RBFOX1: variants seen among roughly 807,000 people sequenced by gnomAD.
The protein encoded by RBFOX1 is RNA binding protein fox-1 homolog 1.
Under a neutral mutation model 57.7 loss-of-function variants are expected in RBFOX1, and 8 were observed. The ratio of observed to expected loss-of-function variants is 0.14; its 90% confidence interval spans 0.08 to 0.25. The LOEUF (loss-of-function observed/expected upper bound fraction) is 0.25. RBFOX1 is among the 10% of genes least tolerant of loss of function. The probability of loss-of-function intolerance (pLI) is 1.00; values close to 1 mark genes in which losing one functional copy is unlikely to be tolerated. For missense variants in RBFOX1, 611 were observed against 548.5 expected, an observed-to-expected ratio of 1.11 and a Z score of -1.14; for synonymous variants, 326 against 222.4, an observed-to-expected ratio of 1.47 and a Z score of -4.15.
chr16:7,187,384 A>G (rs1487022294), intron 4 of RBFOX1, among the ~76,000 whole-genome samples: 5 of 152,040 alleles, frequency 3.3e-5, no homozygotes, highest in Non-Finnish European at 7.4e-5. Context: ...TATATACATA[A>G]TATGATACTA....
chr16:6,477,041 G>C (rs1294631681), intron 2 of RBFOX1, among the ~76,000 whole-genome samples: 1 of 152,030 alleles, frequency 6.6e-6, no homozygotes, highest in African/African-American at 2.4e-5. Context: ...GCCTCTTCAG[G>C]CTCCACTTGT....
chr16:6,417,710 A>G (rs1271778880), intron 2 of RBFOX1, among the ~76,000 whole-genome samples: 1 of 121,566 alleles, frequency 8.2e-6, no homozygotes, highest in African/African-American at 3.2e-5. Context: ...TTCTTTTTAA[A>G]AAAAAAAAAA....
At chr16:7,261,412 C>G (rs2094914351) in intron 4 of RBFOX1, among the ~76,000 whole-genome samples, 1 of 152,120 alleles carries the variant, frequency 6.6e-6, no homozygotes, top group Admixed American at 6.5e-5. Context: ...AACCTGGGGC[C>G]CAGCCTCTAT....
chr16:7,363,354 C>A (rs4787006), intron 4 of RBFOX1, among the ~76,000 whole-genome samples: 1 of 151,928 alleles, frequency 6.6e-6, no homozygotes, highest in African/African-American at 2.4e-5. Flanking sequence ...TTAATGACTT[C>A]TTCTGTCCAA....
intron 2 of RBFOX1, among the ~76,000 whole-genome samples, chr16:6,356,854 A>G (rs2087416687): frequency 6.6e-6 from 1 of 152,122 alleles, no homozygotes; most frequent in African/African-American, 2.4e-5. Flanking sequence ...GTGAGTGTGG[A>G]TATGTGGGAA....
chr16:6,162,640 A>G (rs1450474590), intron 1 of RBFOX1, among the ~76,000 whole-genome samples: 1 of 152,200 alleles, frequency 6.6e-6, no homozygotes, highest in Non-Finnish European at 1.5e-5. Flanking sequence ...CAAGGGAGAC[A>G]TTTAACCCCC....
chr16:7,674,738 C>G (rs1370581802), intron 13 of RBFOX1, among the ~76,000 whole-genome samples: 1 of 152,184 alleles, frequency 6.6e-6, no homozygotes, highest in Non-Finnish European at 1.5e-5. Context: ...GGTGTACACA[C>G]CTGCATTTGA....
chr16:6,571,061 C>T (rs1474437466), intron 2 of RBFOX1, among the ~76,000 whole-genome samples: 1 of 152,136 alleles, frequency 6.6e-6, no homozygotes, highest in Non-Finnish European at 1.5e-5. Flanking sequence ...TGTGGATTGG[C>T]CTTTCTACTA....
intron 4 of RBFOX1, among the ~76,000 whole-genome samples, chr16:7,297,045 T>C (rs553361639): frequency 4.6e-5 from 7 of 152,208 alleles, no homozygotes; most frequent in African/African-American, 1.4e-4. Context: ...TTGCACTCCA[T>C]GGGAGCCATA....
chr16:5,992,377 C>T (rs1414753120), intron 4 of RBFOX1, among the ~76,000 whole-genome samples: 2 of 152,206 alleles, frequency 1.3e-5, no homozygotes, highest in Non-Finnish European at 2.9e-5. Flanking sequence ...TTTATCTATT[C>T]ATTAAAGCGA....
intron 4 of RBFOX1, among the ~76,000 whole-genome samples, chr16:7,271,823 A>C (rs1334264360): frequency 6.7e-6 from 1 of 149,386 alleles, no homozygotes; most frequent in Non-Finnish European, 1.5e-5. Flanking sequence ...TCACTCAGGA[A>C]AAAAAAAAAA....
At chr16:6,966,123 A>G (rs1288239294) in intron 3 of RBFOX1, among the ~76,000 whole-genome samples, 2 of 152,146 alleles carry the variant, frequency 1.3e-5, no homozygotes, top group African/African-American at 4.8e-5. Context: ...GGGCCTAAAA[A>G]GCACATAAGG....
chr16:6,912,835 GACTCAA>G (rs976978201), intron 3 of RBFOX1, among the ~76,000 whole-genome samples: 3 of 151,814 alleles, frequency 2.0e-5, no homozygotes, highest in African/African-American at 7.3e-5. Flanking sequence ...GCCCAGGCTA[GACTCAA>G]ACTCCTGAGC....
chr16:7,392,943 G>A (rs1041643038), intron 4 of RBFOX1, among the ~76,000 whole-genome samples: 13 of 151,950 alleles, frequency 8.6e-5, no homozygotes, highest in East Asian at 1.9e-4. Flanking sequence ...GCATGATCTC[G>A]GCTCACTGCA....
chr16:6,424,953 G>A (rs556615581), intron 2 of RBFOX1, among the ~76,000 whole-genome samples: 1 of 152,106 alleles, frequency 6.6e-6, no homozygotes, highest in Admixed American at 6.5e-5. Context: ...CATCTAAGTC[G>A]ACATACCAAA....
chr16:6,888,285 A>C (rs1381347884), intron 3 of RBFOX1, among the ~76,000 whole-genome samples: 1 of 152,232 alleles, frequency 6.6e-6, no homozygotes. Context: ...TGTTTCTGAC[A>C]GCTTAAGTCC....
intron 4 of RBFOX1, among the ~76,000 whole-genome samples, chr16:7,271,587 A>G (rs2095319662): frequency 6.6e-6 from 1 of 152,122 alleles, no homozygotes; most frequent in African/African-American, 2.4e-5. Flanking sequence ...GTTGAAGCAT[A>G]ATTATGCAAG....
At chr16:5,949,206 A>G (rs2059467182) in intron 4 of RBFOX1, among the ~76,000 whole-genome samples, 1 of 152,154 alleles carries the variant, frequency 6.6e-6, no homozygotes, top group African/African-American at 2.4e-5. Flanking sequence ...ATTATCTACT[A>G]TACAGCCTGT....
At chr16:6,295,625 C>T (rs1205482081) in intron 1 of RBFOX1, among the ~76,000 whole-genome samples, 2 of 152,220 alleles carry the variant, frequency 1.3e-5, no homozygotes, top group African/African-American at 4.8e-5. Flanking sequence ...AGAGCGCTGT[C>T]TGTGTTTATG....
Sources: gnomAD v4.1 joint callset for allele counts (sites outside exome capture counted in the v4.1 genomes callset) on GRCh38, gnomAD v4.1.1 for gene constraint, MANE v1.5 for transcripts, NCBI Gene and HGNC (gene_info 2026-07-23, HGNC 2026-07-21) for gene names.